HECTD2: variants seen among roughly 807,000 people sequenced by gnomAD.
HECTD2 encodes probable E3 ubiquitin-protein ligase HECTD2.
In HECTD2, 35 loss-of-function variants were observed where a neutral mutation model predicts 103.2. That is an observed-to-expected ratio of 0.34 (90% CI 0.26 to 0.45). HECTD2 has a LOEUF of 0.45. HECTD2 is among the 20% of genes least tolerant of loss of function. The pLI is 1.00. For synonymous variants in HECTD2, 281 were observed against 329.9 expected, an observed-to-expected ratio of 0.85 and a Z score of 1.61; for missense variants, 596 against 937.4, an observed-to-expected ratio of 0.64 and a Z score of 4.76.
At chr10:91,507,913 C>A (rs1423735159) in intron 20 of HECTD2, among the ~76,000 whole-genome samples, 2 of 136,034 alleles carry the variant, frequency 1.5e-5, no homozygotes, top group African/African-American at 7.2e-5. Flanking sequence ...GGTACTGGTA[C>A]CAAAACAGAG....
intron 7 of HECTD2, 106 bp from the exon 8 acceptor site, chr10:91,482,861 T>G: frequency 2.0e-6 from 1 of 492,064 alleles, no homozygotes; most frequent in East Asian, 3.5e-5. Context: ...TATTTTATAA[T>G]CTCAAATTTT....
chr10:91,415,661 A>C (rs1284575579), intron 1 of HECTD2, among the ~76,000 whole-genome samples: 1 of 152,176 alleles, frequency 6.6e-6, no homozygotes. Context: ...AATTCTGAAC[A>C]CTCGACATTT....
In HECTD2 at chr10:91,514,471, C is replaced by CTGTT. The variant is rs1847537329; in HGVS notation, c.*2088_*2091dup. 6.6e-6 allele frequency: 1 copy of CTGTT among 152,540 alleles called. No individual in the cohort carries two copies. The highest frequency in any genetic ancestry group is 2.4e-5 in the African/African-American group (1 of 41,446). The allele number at this position is 152,540 out of a possible 1,614,324, so 9.4% of individuals were successfully genotyped here. A position where few individuals can be genotyped will look rare whatever the true frequency, so the allele number is the denominator to read the frequency against. On this transcript the variant is annotated 3_prime_UTR_variant, in exon 21 of 21. Coordinates refer to ENST00000298068, the MANE Select transcript of HECTD2 (RefSeq NM_182765.6). ...CTCATTTAAAAAATAAAAACCACTA[C>CTGTT]TGTTACATTTTATTAATTTAAAAAG...
At position 91,419,438 on chromosome 10, in the gene HECTD2, C is replaced by CT. The variant is rs1203795300; in HGVS notation, c.139-5841dup. ...TCTAAGTGTTTGTCTGTTTAAATAT[C>CT]TTGAGATTATTTTATATTATAATCT... On this transcript the variant is annotated intron_variant, in intron 1 of 20. Transcript: ENST00000298068. Among the ~76,000 whole-genome samples the CT allele has an allele frequency of 7.2e-5, 11 of 152,120 alleles. No homozygotes were observed. In the East Asian group the frequency reaches 2.1e-3, roughly 29 times the overall value.
At position 91,487,368 on chromosome 10, in the gene HECTD2, A is replaced by G. The variant is rs895042126; in HGVS notation, c.1095-314A>G. On this transcript the variant is annotated intron_variant, in intron 10 of 20. Transcript: ENST00000298068. The surrounding 1 kb of genome is among the most constrained non-coding windows in gnomAD (Gnocchi z 4.1). The stretch of plus-strand genomic sequence containing the variant: ...AACACTTCTCCCTCCTGGTTCTGGT[A>G]TTGGCCATGTTGTTCACAGGTGATG... 1 of 299,740 alleles carries G rather than the reference A, an allele frequency of 3.3e-6. No homozygotes were observed. Among genetic ancestry groups the G allele is most frequent in the Non-Finnish European group, 6.5e-6 (1 of 153,002 alleles). 18.6% of individuals were successfully genotyped at this position (299,740 alleles called of 1,614,324 possible). A position where few individuals can be genotyped will look rare whatever the true frequency, so the allele number is the denominator to read the frequency against.
intron 1 of HECTD2, among the ~76,000 whole-genome samples, chr10:91,418,257 T>G (rs1843211885): frequency 6.6e-6 from 1 of 152,246 alleles, no homozygotes; most frequent in Non-Finnish European, 1.5e-5. Context: ...TTAAAAGTAG[T>G]ATTTTACTGT....
chr10:91,503,421 C>A (rs1035951333), intron 20 of HECTD2, among the ~76,000 whole-genome samples: 11 of 152,164 alleles, frequency 7.2e-5, no homozygotes, highest in Non-Finnish European at 1.2e-4. Context: ...TGGGTGCGCA[C>A]ACCGTGCGCG....
intron 2 of HECTD2, among the ~76,000 whole-genome samples, chr10:91,426,866 ATACTTT>A (rs1843582877): frequency 6.6e-6 from 1 of 151,446 alleles, no homozygotes; most frequent in Non-Finnish European, 1.5e-5. Context: ...TTTTATTATT[ATACTTT>A]AAGTTTTAGG....
chr10:91,412,291 C>A (rs1657084213), intron 1 of HECTD2, among the ~76,000 whole-genome samples: 1 of 151,972 alleles, frequency 6.6e-6, no homozygotes, highest in Non-Finnish European at 1.5e-5. Context: ...ACTTCAGTTT[C>A]AAGAATTTAT....
chr10:91,437,619 C>CTTTTTTTTTTTTTTTTTTTGTTTTTT (rs1844179173), intron 2 of HECTD2, among the ~76,000 whole-genome samples: 3 of 87,416 alleles, frequency 3.4e-5, no homozygotes, highest in Non-Finnish European at 5.5e-5. Context: ...GATGGTTGTT[C>CTTTTTTTTTTTTTTTTTTTGTTTTTT]TTTTTTTTTT....
chr10:91,484,871 TG>T (rs1846212596), intron 9 of HECTD2, among the ~76,000 whole-genome samples: 1 of 152,016 alleles, frequency 6.6e-6, no homozygotes, highest in African/African-American at 2.4e-5. Context: ...TTCTGTATTA[TG>T]GCAATTAAGT....
At chr10:91,508,368 A>C (rs1366812229) in intron 20 of HECTD2, among the ~76,000 whole-genome samples, 6 of 147,692 alleles carry the variant, frequency 4.1e-5, no homozygotes, top group East Asian at 4.1e-4. Flanking sequence ...TTCACAACCT[A>C]CTCATCTGAC....
chr10:91,513,288 C>T lies in HECTD2; in HGVS notation c.*904C>T, dbSNP rs1340306500. 6.6e-6 allele frequency: 1 copy of T among 152,574 alleles called. No individual in the cohort carries two copies. Among genetic ancestry groups the T allele is most frequent in the Non-Finnish European group, 1.5e-5 (1 of 68,016 alleles). The allele number at this position is 152,574 out of a possible 1,614,324, so 9.5% of individuals were successfully genotyped here. ...AAAGAATATAACTGCTTTTATAAAT[C>T]TTTTGAATCATGTACAAGACTTATA... On this transcript the variant is annotated 3_prime_UTR_variant, in exon 21 of 21. Coordinates refer to ENST00000298068, the MANE Select transcript of HECTD2 (RefSeq NM_182765.6).
Position 91,464,045 on chromosome 10 carries a change from G to A in HECTD2, c.600+1861G>A, listed in dbSNP as rs148473428. Reference sequence around the variant, plus strand: ...ATTAACCTAAGGCAATCTAGTCCTCGAGGGATCCAGGCTGAGTCTTATGAT... The same window carrying A: ...ATTAACCTAAGGCAATCTAGTCCTCAAGGGATCCAGGCTGAGTCTTATGAT... On this transcript the variant is annotated intron_variant, in intron 5 of 20. Transcript: ENST00000298068. Among the ~76,000 whole-genome samples the A allele has an allele frequency of 3.9e-5, 6 of 152,146 alleles. No individual in the cohort carries two copies. The South Asian group carries it at 6.2e-4, about 16-fold the overall frequency.
intron 5 of HECTD2, chr10:91,462,467 T>C: frequency 3.3e-6 from 4 of 1,209,208 alleles, no homozygotes; most frequent in African/African-American, 1.6e-5. Flanking sequence ...TTTAATTATA[T>C]TGGAATTACA....
At chr10:91,463,037 T>C (rs1845408843) in intron 5 of HECTD2, 1 of 152,228 alleles carries the variant, frequency 6.6e-6, no homozygotes, top group African/African-American at 2.4e-5. Context: ...ATATTTATCT[T>C]TATCTAAATA....
Position 91,512,545 on chromosome 10 carries a change from G to A in HECTD2, c.*161G>A. 1.5e-6 allele frequency: 1 copy of A among 650,762 alleles called. No homozygotes were observed. The highest frequency in any genetic ancestry group is 2.5e-6 in the Non-Finnish European group (1 of 405,018). The allele number at this position is 650,762 out of a possible 1,614,324, so 40.3% of individuals were successfully genotyped here. A position where few individuals can be genotyped will look rare whatever the true frequency, so the allele number is the denominator to read the frequency against. On this transcript the variant is annotated 3_prime_UTR_variant, in exon 21 of 21. Transcript: ENST00000298068. ...TCAAATATGAAGTATGTTCAGCAAA[G>A]GCATAATTTTCTAAAAACACACACA...
rs554064826 is a variant in HECTD2 at position 91,471,690 on chromosome 10, A to G, written c.601-6511A>G. Among the ~76,000 whole-genome samples, 3 of 152,344 alleles carry G rather than the reference A, an allele frequency of 2.0e-5. No homozygotes were observed. The South Asian group carries it at 6.2e-4, about 32-fold the overall frequency. On this transcript the variant is annotated intron_variant, in intron 5 of 20. Coordinates refer to ENST00000298068, the MANE Select transcript of HECTD2 (RefSeq NM_182765.6). ...AACATCTAAGCAGAGAGCCAAATCA[A>G]GAACGCAATTCCACTCACAATAGCC...
Position 91,410,369 on chromosome 10 carries a change from A to G in HECTD2, c.-70A>G, listed in dbSNP as rs1241305212. ...AGAGCCCTCTCGCGGCCGCGGCGGC[A>G]GCAGCAGCGCCAGCCCCAGCAACAC... On this transcript the variant is annotated 5_prime_UTR_variant, in exon 1 of 21. Coordinates refer to ENST00000298068, the MANE Select transcript of HECTD2 (RefSeq NM_182765.6). 73 of 1,029,742 alleles carry G rather than the reference A, an allele frequency of 7.1e-5. No homozygotes were observed. The highest frequency in any genetic ancestry group is 8.3e-5 in the Non-Finnish European group (67 of 808,316). The allele number at this position is 1,029,742 out of a possible 1,614,324, so 63.8% of individuals were successfully genotyped here.
Sources: gnomAD v4.1 joint callset for allele counts (sites outside exome capture counted in the v4.1 genomes callset) on GRCh38, gnomAD v4.1.1 for gene constraint, Gnocchi (gnomAD v3.1) non-coding constraint, MANE v1.5 for transcripts, NCBI Gene and HGNC (gene_info 2026-07-23, HGNC 2026-07-21) for gene names.